Variants in MS4A2 observed in about 807,000 individuals in gnomAD.
The protein encoded by MS4A2 is high affinity immunoglobulin epsilon receptor subunit beta.
A neutral mutation model predicts 27.9 loss-of-function variants in MS4A2; 26 were observed. The ratio of observed to expected loss-of-function variants is 0.93; its 90% CI spans 0.68 to 1.29. The LOEUF (loss-of-function observed/expected upper bound fraction) is 1.29, where lower values mean the gene tolerates loss of function less well. Ranked by LOEUF, MS4A2 falls within the 50% of genes most tolerant of loss-of-function variation. The pLI is 0.00. For synonymous variants in MS4A2, 110 were observed against 98.8 expected (o/e 1.11, Z -0.67); for missense variants, 284 against 284.6 (o/e 1.00, Z 0.01).
chr11:60,090,389 C>T lies in MS4A2; in HGVS notation c.240C>T (p.Cys80=), dbSNP rs758219857. Reference sequence around the variant, plus strand: ...GCCTTTGTTTTGGAACAGTTGTCTGCTCTGTACTTGATATTTCACACATTG... The same window carrying T: ...GCCTTTGTTTTGGAACAGTTGTCTGTTCTGTACTTGATATTTCACACATTG... ...MICLCFGTVV[C]SVLDISHIEG... Residue 80 remains cysteine, a synonymous_variant, in exon 3 of 7, where the codon TGC becomes TGT. Coordinates refer to ENST00000278888, the MANE Select transcript of MS4A2 (RefSeq NM_000139.5). 19 of 1,613,316 alleles carry T rather than the reference C, an allele frequency of 1.2e-5. No homozygotes were observed. In the South Asian group the frequency reaches 1.3e-4, roughly 11 times the overall value.
rs1370998458 is a variant in MS4A2 at position 60,098,448 on chromosome 11, A to T, written c.*2792A>T. On this transcript the variant is annotated 3_prime_UTR_variant, in exon 7 of 7. Transcript: ENST00000278888. ...TCAATTACCTGTATTTGTGCAATAA[A>T]TTGGAATAATGTAACTTGATTTCTT... 1.3e-5 allele frequency: 2 copies of T among 152,212 alleles called. No individual in the cohort carries two copies. The highest frequency in any genetic ancestry group is 1.5e-5 in the Non-Finnish European group (1 of 68,048). 9.4% of individuals were successfully genotyped at this position (152,212 alleles called of 1,614,324 possible). A position where few individuals can be genotyped will look rare whatever the true frequency, so the allele number is the denominator to read the frequency against.
intron 3 of MS4A2, among the ~76,000 whole-genome samples, chr11:60,090,871 G>A (rs1413260246): frequency 6.6e-6 from 1 of 152,142 alleles, no homozygotes; most frequent in African/African-American, 2.4e-5. Flanking sequence ...AACAACAAAG[G>A]CTGGGCATGG....
At chr11:60,092,670 GA>G (rs1855786634) in intron 3 of MS4A2, 121 bp from the exon 4 acceptor site, 2 of 795,302 alleles carry the variant, frequency 2.5e-6, no homozygotes, top group Non-Finnish European at 4.3e-6. Flanking sequence ...GCTCACAGGT[GA>G]CATTAATAAG....
At chr11:60,095,001 C>G (rs1294559263) in intron 6 of MS4A2, among the ~76,000 whole-genome samples, 2 of 151,738 alleles carry the variant, frequency 1.3e-5, no homozygotes, top group Non-Finnish European at 2.9e-5. Context: ...GGTGACAGAG[C>G]CATACTTCCC....
At position 60,088,800 on chromosome 11, in the gene MS4A2, C is replaced by A; in HGVS notation, c.35C>A (p.Ala12Asp). 2 of 1,612,002 alleles carry A rather than the reference C, an allele frequency of 1.2e-6. No individual in the cohort carries two copies. The highest frequency in any genetic ancestry group is 1.7e-6 in the Non-Finnish European group (2 of 1,178,830). Residue 12 changes from alanine (A) to aspartate (D), a missense_variant, in exon 1 of 7, where the codon GCT (alanine) becomes GAT (aspartate). Physicochemically the swap from Ala to Asp is moderately radical, Grantham distance 126. Coordinates refer to ENST00000278888, the MANE Select transcript of MS4A2 (RefSeq NM_000139.5). ...GAAAGTAATAGGAGAGCAAATCTTG[C>A]TCTCCCACAGGAGCCTTCCAGGTAG... ...DTESNRRANL[A>D]LPQEPSSVPA...
chr11:60,090,084 A>G (rs1204469466), intron 2 of MS4A2, among the ~76,000 whole-genome samples: 1 of 152,174 alleles, frequency 6.6e-6, no homozygotes, highest in Non-Finnish European at 1.5e-5. Context: ...GTAAAGAACA[A>G]TTACTGATGT....
chr11:60,094,272 G>A (rs969179655), intron 6 of MS4A2, among the ~76,000 whole-genome samples: 1 of 152,188 alleles, frequency 6.6e-6, no homozygotes, highest in African/African-American at 2.4e-5. Flanking sequence ...CTGAATGAGG[G>A]TTGGGATAAT....
chr11:60,090,594 T>C, intron 3 of MS4A2, 124 bp downstream of exon 3: 14 of 847,886 alleles, frequency 1.7e-5, no homozygotes, highest in Non-Finnish European at 2.5e-5. Context: ...TTATAAATTA[T>C]ATGTGAGCAT....
rs111661421 is a variant in MS4A2 at position 60,089,244 on chromosome 11, G to T, written c.56+423G>T. Among the ~76,000 whole-genome samples, 5 of 152,302 alleles carry T rather than the reference G, an allele frequency of 3.3e-5. 1 individual carries two copies. The highest frequency in any genetic ancestry group is 9.6e-5 in the African/African-American group (4 of 41,564). Reference sequence around the variant, plus strand: ...GGATGCTTCTCTGAAGATGAAAATAGTAATAGAGTCCCATCTAGCTATTCA... The same window carrying T: ...GGATGCTTCTCTGAAGATGAAAATATTAATAGAGTCCCATCTAGCTATTCA... On this transcript the variant is annotated intron_variant, in intron 1 of 6. Coordinates refer to ENST00000278888, the MANE Select transcript of MS4A2 (RefSeq NM_000139.5).
At position 60,098,135 on chromosome 11, in the gene MS4A2, A is replaced by G. The variant is rs1855900633; in HGVS notation, c.*2479A>G. ...ACATATTTCTTATACACAACACACA[A>G]TTTATGAATTTTTTCTCAAGATCAT... On this transcript the variant is annotated 3_prime_UTR_variant, in exon 7 of 7. Transcript: ENST00000278888. 6.6e-6 allele frequency: 1 copy of G among 152,176 alleles called. No individual in the cohort carries two copies. The highest frequency in any genetic ancestry group is 1.5e-5 in the Non-Finnish European group (1 of 68,038). The allele number at this position is 152,176 out of a possible 1,614,324, so 9.4% of individuals were successfully genotyped here. A position where few individuals can be genotyped will look rare whatever the true frequency, so the allele number is the denominator to read the frequency against.
rs945361554 is a variant in MS4A2 at position 60,097,676 on chromosome 11, A to G, written c.*2020A>G. The G allele has an allele frequency of 4.6e-5, 7 of 152,236 alleles. No homozygotes were observed. The highest frequency in any genetic ancestry group is 1.7e-4 in the African/African-American group (7 of 41,454). The allele number at this position is 152,236 out of a possible 1,614,324, so 9.4% of individuals were successfully genotyped here. ...AATCAGTCTGAGAGTATTAGTCACAATTAATGAAATAATTACATTTTATGT... is the reference window on the plus strand; with the variant it reads ...AATCAGTCTGAGAGTATTAGTCACAGTTAATGAAATAATTACATTTTATGT... On this transcript the variant is annotated 3_prime_UTR_variant, in exon 7 of 7. Transcript: ENST00000278888.
intron 3 of MS4A2, among the ~76,000 whole-genome samples, chr11:60,091,095 G>A (rs924295197): frequency 6.6e-6 from 1 of 152,148 alleles, no homozygotes. Flanking sequence ...AGGTTGCAGT[G>A]AGCTGAGATT....
intron 4 of MS4A2, 75 bp from the exon 5 acceptor site, chr11:60,093,325 C>G (rs1855802644): frequency 6.3e-7 from 1 of 1,594,580 alleles, no homozygotes; most frequent in Non-Finnish European, 8.6e-7. Flanking sequence ...TGCATCCAGC[C>G]CTGAAATGAA....
At position 60,096,042 on chromosome 11, in the gene MS4A2, C is replaced by G. The variant is rs1211042230; in HGVS notation, c.*386C>G. ...TCTTAGGGTTTTTTTTTTTTTTTAG[C>G]ATTCTTAATAGTTACAGTTGGGCAT... On this transcript the variant is annotated 3_prime_UTR_variant, in exon 7 of 7. Coordinates refer to ENST00000278888, the MANE Select transcript of MS4A2 (RefSeq NM_000139.5). 3.8e-6 allele frequency: 1 copy of G among 261,578 alleles called. No homozygotes were observed. The highest frequency in any genetic ancestry group is 4.4e-5 in the South Asian group (1 of 22,710). The allele number at this position is 261,578 out of a possible 1,614,324, so 16.2% of individuals were successfully genotyped here.
chr11:60,095,262 C>T (rs1167879424), intron 6 of MS4A2, among the ~76,000 whole-genome samples: 1 of 151,492 alleles, frequency 6.6e-6, no homozygotes, highest in African/African-American at 2.4e-5. Flanking sequence ...GATTCTGTCT[C>T]AAAAAAAATA....
In MS4A2 at chr11:60,091,153, A is replaced by AAAT. The variant is rs950506265; in HGVS notation, c.321+700_321+702dup. On this transcript the variant is annotated intron_variant, in intron 3 of 6. Coordinates refer to ENST00000278888, the MANE Select transcript of MS4A2 (RefSeq NM_000139.5). ...GCAATAAGAGCGAAACTCTGTCTCAAAATAATAATAATAATAATAGAAAAT... is the reference window on the plus strand; with the variant it reads ...GCAATAAGAGCGAAACTCTGTCTCAAAATAATAATAATAATAATAATAGAAAAT... 5.9e-5 allele frequency among the ~76,000 whole-genome samples: 9 copies of AAAT among 151,984 alleles called. No homozygotes were observed. The East Asian group carries it at 9.6e-4, about 16-fold the overall frequency.
rs754063805 is a variant in MS4A2 at position 60,088,760 on chromosome 11, G to GA, written c.1dup. On this transcript the variant is annotated 5_prime_UTR_variant, in exon 1 of 7. Coordinates refer to ENST00000278888, the MANE Select transcript of MS4A2 (RefSeq NM_000139.5). The stretch of plus-strand genomic sequence containing the variant: ...TTTATTCCTGGACAGCTCGGTTAAT[G>GA]AAAAAATGGACACAGAAAGTAATAG... The GA allele has an allele frequency of 7.4e-6, 12 of 1,610,920 alleles. No individual in the cohort carries two copies. Among genetic ancestry groups the GA allele is most frequent in the African/African-American group, 2.7e-5 (2 of 74,832 alleles).
intron 3 of MS4A2, among the ~76,000 whole-genome samples, chr11:60,091,781 T>C (rs771973591): frequency 4.6e-5 from 7 of 152,228 alleles, no homozygotes; most frequent in African/African-American, 4.8e-5. Flanking sequence ...GATGACTTGT[T>C]CAGGACTCTC....
In MS4A2 at chr11:60,096,267, C is replaced by T. The variant is rs1346797782; in HGVS notation, c.*611C>T. The T allele has an allele frequency of 6.6e-6, 1 of 152,310 alleles. No individual in the cohort carries two copies. The highest frequency in any genetic ancestry group is 2.4e-5 in the African/African-American group (1 of 41,386). 9.4% of individuals were successfully genotyped at this position (152,310 alleles called of 1,614,324 possible). A position where few individuals can be genotyped will look rare whatever the true frequency, so the allele number is the denominator to read the frequency against. On this transcript the variant is annotated 3_prime_UTR_variant, in exon 7 of 7. Coordinates refer to ENST00000278888, the MANE Select transcript of MS4A2 (RefSeq NM_000139.5). ...TGACATGATATTATTTGCAGATTGA[C>T]AAGTAGGAAGTGGGGAATTTTATTA... is the stretch of plus-strand genomic sequence containing the variant.
Sources: gnomAD v4.1 joint callset for allele counts (sites outside exome capture counted in the v4.1 genomes callset) on GRCh38, gnomAD v4.1.1 for gene constraint, MANE v1.5 for transcripts, NCBI Gene and HGNC (gene_info 2026-07-23, HGNC 2026-07-21) for gene names.